Variants in TOR1AIP2 observed in about 807,000 individuals in gnomAD.
TOR1AIP2 encodes torsin 1A interacting protein 2.
TOR1AIP2 carries 20 observed loss-of-function variants against 32.6 expected under a neutral mutation model. The observed-to-expected ratio is 0.61, with a 90% CI of 0.43 to 0.89. TOR1AIP2 has a LOEUF of 0.89. Among genes scored for constraint, TOR1AIP2 ranks in the 40% least tolerant of loss-of-function variants. The pLI is 0.00. For missense variants in TOR1AIP2, 456 were observed against 553.8 expected (o/e 0.82, Z 1.77); for synonymous variants, 214 against 210.8 (o/e 1.02, Z -0.13).
intron 5 of TOR1AIP2, among the ~76,000 whole-genome samples, chr1:179,848,302 A>C (rs61285758): frequency 6.6e-6 from 1 of 152,194 alleles, no homozygotes; most frequent in Non-Finnish European, 1.5e-5. Context: ...ATTCAACTTC[A>C]CAGGGTAATT....
chr1:179,860,606 G>A (rs1464335140), intron 3 of TOR1AIP2: 1 of 985,262 alleles, frequency 1.0e-6, no homozygotes. Flanking sequence ...TTTGGTATAT[G>A]TTATTGCACT....
Position 179,846,617 on chromosome 1 carries a change from G to A in TOR1AIP2, c.867C>T (p.Asn289=). Residue 289 remains asparagine (N), a synonymous_variant, in exon 7 of 7, where the codon AAC becomes AAT. Coordinates refer to ENST00000609928, the MANE Select transcript of TOR1AIP2 (RefSeq NM_001199260.2). ...ATATGATGGTGGCTGGCTCAGTGGGGTTGGAAGCATTGAGGTGCTTCTGGA... is the reference window on the plus strand; with the variant it reads ...ATATGATGGTGGCTGGCTCAGTGGGATTGGAAGCATTGAGGTGCTTCTGGA... ...KFLQKHLNAS[N]PTEPATIIFT... is the part of the protein sequence containing the mutation. 10 of 1,614,150 alleles carry A rather than the reference G, an allele frequency of 6.2e-6. No individual in the cohort carries two copies. The highest frequency in any genetic ancestry group is 8.5e-6 in the Non-Finnish European group (10 of 1,180,006).
In TOR1AIP2 at chr1:179,842,316, A is replaced by C. The variant is rs1695746766; in HGVS notation, c.*3755T>G. On this transcript the variant is annotated 3_prime_UTR_variant, in exon 7 of 7. Coordinates refer to ENST00000609928, the MANE Select transcript of TOR1AIP2 (RefSeq NM_001199260.2). ...ACCAGCATGCTGAGCCTTATTAACC[A>C]CCATACACTTGGGGGCTTCCAAATG... The C allele has an allele frequency of 6.6e-6, 1 of 152,238 alleles. No individual in the cohort carries two copies. The highest frequency in any genetic ancestry group is 1.5e-5 in the Non-Finnish European group (1 of 68,044). 9.4% of individuals were successfully genotyped at this position (152,238 alleles called of 1,614,324 possible). A position where few individuals can be genotyped will look rare whatever the true frequency, so the allele number is the denominator to read the frequency against.
intron 3 of TOR1AIP2, among the ~76,000 whole-genome samples, chr1:179,858,178 C>T (rs1472465761): frequency 5.3e-5 from 8 of 151,718 alleles, no homozygotes; most frequent in Admixed American, 5.3e-4. Context: ...AATATATGTA[C>T]ATACATATAT....
chr1:179,857,451 A>T (rs1266099181), intron 3 of TOR1AIP2, among the ~76,000 whole-genome samples: 1 of 152,076 alleles, frequency 6.6e-6, no homozygotes, highest in Admixed American at 6.6e-5. Context: ...ATTTCCTGGG[A>T]CTTTTCTAAG....
intron 2 of TOR1AIP2, among the ~76,000 whole-genome samples, chr1:179,872,460 T>C (rs1697046678): frequency 6.6e-6 from 1 of 152,246 alleles, no homozygotes; most frequent in Non-Finnish European, 1.5e-5. Flanking sequence ...ATATCCACTG[T>C]CATAATATCC....
chr1:179,868,260 T>A (rs1209456793), intron 2 of TOR1AIP2: 1 of 152,226 alleles, frequency 6.6e-6, no homozygotes, highest in Non-Finnish European at 1.5e-5. Context: ...CTAGGCTTGC[T>A]TTATTTTTTT....
chr1:179,855,958 C>T (rs941714133), intron 3 of TOR1AIP2, among the ~76,000 whole-genome samples: 2 of 152,026 alleles, frequency 1.3e-5, no homozygotes, highest in African/African-American at 2.4e-5. Flanking sequence ...GCAGACAGAT[C>T]GGTTGAGCTT....
chr1:179,868,752 A>G (rs1294247935), intron 2 of TOR1AIP2: 1 of 152,232 alleles, frequency 6.6e-6, no homozygotes. Flanking sequence ...AAATGCAAGT[A>G]GCACAAGGAA....
intron 2 of TOR1AIP2, chr1:179,867,460 G>A (rs986166655): frequency 3.5e-4 from 54 of 152,154 alleles, no homozygotes; most frequent in African/African-American, 1.3e-3. Context: ...TAAATCTTGG[G>A]TCTCTAGTCA....
Position 179,845,878 on chromosome 1 carries a change from C to A in TOR1AIP2, c.*193G>T. ...GAAAAAAAGTCAGGTTAATTTTTAG[C>A]TTTGTCAAGGCTTAGATTAGAAAGA... is the stretch of plus-strand genomic sequence containing the variant. On this transcript the variant is annotated 3_prime_UTR_variant, in exon 7 of 7. Coordinates refer to ENST00000609928, the MANE Select transcript of TOR1AIP2 (RefSeq NM_001199260.2). 1.8e-6 allele frequency: 1 copy of A among 554,146 alleles called. No individual in the cohort carries two copies. Among genetic ancestry groups the A allele is most frequent in the East Asian group, 3.1e-5 (1 of 32,738 alleles). The allele number at this position is 554,146 out of a possible 1,614,324, so 34.3% of individuals were successfully genotyped here.
In TOR1AIP2 at chr1:179,841,585, T is replaced by C. The variant is rs371011229; in HGVS notation, c.*4486A>G. 7.9e-5 allele frequency: 12 copies of C among 152,226 alleles called. No homozygotes were observed. The highest frequency in any genetic ancestry group is 2.9e-4 in the African/African-American group (12 of 41,460). 9.4% of individuals were successfully genotyped at this position (152,226 alleles called of 1,614,324 possible). Reference sequence around the variant, plus strand: ...GAGCTGTGATTGTGCCACTGCACCATAGCTTGGGTGACAGAGTGAGACCCT... The same window carrying C: ...GAGCTGTGATTGTGCCACTGCACCACAGCTTGGGTGACAGAGTGAGACCCT... On this transcript the variant is annotated 3_prime_UTR_variant, in exon 7 of 7. Coordinates refer to ENST00000609928, the MANE Select transcript of TOR1AIP2 (RefSeq NM_001199260.2).
intron 3 of TOR1AIP2, 21 bp from the exon 4 acceptor site, chr1:179,852,832 A>G (rs1696167597): frequency 7.2e-7 from 1 of 1,387,212 alleles, no homozygotes; most frequent in Non-Finnish European, 9.4e-7. Flanking sequence ...ATGAAAAAAA[A>G]TTAAATGACT....
At chr1:179,865,096 T>C (rs980319716) in intron 3 of TOR1AIP2, 1 of 1,613,904 alleles carries the variant, frequency 6.2e-7, no homozygotes, top group African/African-American at 1.3e-5. Flanking sequence ...CAAGTTCAGT[T>C]TGGTACAACC....
At chr1:179,860,445 G>A in intron 3 of TOR1AIP2, 1 of 983,398 alleles carries the variant, frequency 1.0e-6, no homozygotes, top group Non-Finnish European at 1.2e-6. Context: ...TGGCGCCACT[G>A]CACTCCAGCC....
chr1:179,864,796 C>T, intron 3 of TOR1AIP2: 1 of 1,598,176 alleles, frequency 6.3e-7, no homozygotes, highest in African/African-American at 1.4e-5. Context: ...TGTTTTGGCC[C>T]AGTTTTTTGT....
In TOR1AIP2 at chr1:179,846,024, A is replaced by AG; in HGVS notation, c.*46_*47insC. 6.5e-7 allele frequency: 1 copy of AG among 1,544,690 alleles called. No individual in the cohort carries two copies. The highest frequency in any genetic ancestry group is 8.7e-7 in the Non-Finnish European group (1 of 1,144,386). ...ATATAAATGGAAGGTCTTTAAACAA[A>AG]CTTTTTCATAAACATATACCTTCTG... is the stretch of plus-strand genomic sequence containing the variant. On this transcript the variant is annotated 3_prime_UTR_variant, in exon 7 of 7. Transcript: ENST00000609928.
At chr1:179,855,446 C>T (rs1464934175) in intron 3 of TOR1AIP2, among the ~76,000 whole-genome samples, 4 of 151,936 alleles carry the variant, frequency 2.6e-5, no homozygotes, top group Non-Finnish European at 5.9e-5. Context: ...AATATGAAAA[C>T]CTAATGAATA....
At chr1:179,860,749 G>A (rs1478292333) in intron 3 of TOR1AIP2, 1 of 985,302 alleles carries the variant, frequency 1.0e-6, no homozygotes, top group Non-Finnish European at 1.2e-6. Flanking sequence ...CCAGCTGGCT[G>A]CAAGGCCATT....
Sources: gnomAD v4.1 joint callset for allele counts (sites outside exome capture counted in the v4.1 genomes callset) on GRCh38, gnomAD v4.1.1 for gene constraint, MANE v1.5 for transcripts, NCBI Gene and HGNC (gene_info 2026-07-23, HGNC 2026-07-21) for gene names.